The following UNC5C variants were observed in gnomAD, a reference collection of about 807,000 sequenced individuals.
UNC5C encodes the protein netrin receptor UNC5C.
UNC5C carries 47 observed loss-of-function variants against 99.8 expected under a neutral mutation model. That is an observed-to-expected ratio of 0.47 (90% confidence interval 0.37 to 0.60). The LOEUF (loss-of-function observed/expected upper bound fraction) is 0.60. Among genes scored for constraint, UNC5C ranks in the 20% least tolerant of loss-of-function variants. The pLI is 0.00. For missense variants in UNC5C, 1,062 were observed against 1,165.9 expected (o/e 0.91, Z 1.30); for synonymous variants, 487 against 452.2 (o/e 1.08, Z -0.98).
chr4:95,357,448 T>A (rs763916166), intron 1 of UNC5C, among the ~76,000 whole-genome samples: 19 of 152,064 alleles, frequency 1.2e-4, no homozygotes, highest in East Asian at 1.9e-4. Flanking sequence ...GCATTTTTTT[T>A]ATGCTGTTAC....
chr4:95,510,583 T>C (rs554063250), intron 1 of UNC5C, among the ~76,000 whole-genome samples: 8 of 152,240 alleles, frequency 5.3e-5, no homozygotes, highest in African/African-American at 1.9e-4. Flanking sequence ...ATGGTTTTAA[T>C]ACATTCCTTT....
At position 95,267,949 on chromosome 4, in the gene UNC5C, A is replaced by ATTTTTTTTTTTTTTTTTTTTTTTTTT. The variant is rs869293955; in HGVS notation, c.594+10309_594+10310insAAAAAAAAAAAAAAAAAAAAAAAAAA. Reference sequence around the variant, plus strand: ...ATGATCCTGTAGGCTGAATTTTGTGATTTTTTTTTTTTTTTTTTGAGACGG... The same window carrying ATTTTTTTTTTTTTTTTTTTTTTTTTT: ...ATGATCCTGTAGGCTGAATTTTGTGATTTTTTTTTTTTTTTTTTTTTTTTTTTTTTTTTTTTTTTTTTTTGAGACGG... On this transcript the variant is annotated intron_variant, in intron 4 of 15. Coordinates refer to ENST00000453304, the MANE Select transcript of UNC5C (RefSeq NM_003728.4). Among the ~76,000 whole-genome samples the ATTTTTTTTTTTTTTTTTTTTTTTTTT allele has an allele frequency of 3.4e-4, 40 of 117,566 alleles. 5 individuals are homozygous for ATTTTTTTTTTTTTTTTTTTTTTTTTT. The highest frequency in any genetic ancestry group is 1.0e-3 in the African/African-American group (30 of 29,164). The allele number at this position is 117,566 out of a possible 152,430, so 77.1% of individuals were successfully genotyped here. A position where few individuals can be genotyped will look rare whatever the true frequency, so the allele number is the denominator to read the frequency against.
chr4:95,218,951 T>G lies in UNC5C; in HGVS notation c.1645+18A>C, dbSNP rs187157690. The G allele has an allele frequency of 2.1e-4, 321 of 1,560,578 alleles. 3 individuals are homozygous for G. The Admixed American group carries it at 5.8e-3, about 28-fold the overall frequency. On this transcript the variant is annotated intron_variant, in intron 9 of 15. Transcript: ENST00000453304. The stretch of plus-strand genomic sequence containing the variant: ...TGTTTCAAGCTGCCTCTTTGCAATT[T>G]AAACCTCTAGGAATTACCTGAATTG...
chr4:95,424,323 T>C (rs896731406), intron 1 of UNC5C, among the ~76,000 whole-genome samples: 4 of 148,654 alleles, frequency 2.7e-5, no homozygotes, highest in African/African-American at 7.4e-5. Context: ...AAAATTACCA[T>C]ATATACGTGT....
intron 1 of UNC5C, among the ~76,000 whole-genome samples, chr4:95,469,749 A>G (rs1747909432): frequency 6.6e-6 from 1 of 152,112 alleles, no homozygotes; most frequent in South Asian, 2.1e-4. Context: ...GTGGCACTTC[A>G]TGTAGGTCCC....
intron 7 of UNC5C, among the ~76,000 whole-genome samples, chr4:95,232,272 C>T (rs1438832580): frequency 5.3e-5 from 8 of 149,948 alleles, no homozygotes; most frequent in Admixed American, 1.3e-4. Context: ...TATTATAAAA[C>T]ATATTATATA....
chr4:95,239,858 T>C (rs1197184093), intron 7 of UNC5C, among the ~76,000 whole-genome samples: 4 of 152,238 alleles, frequency 2.6e-5, no homozygotes, highest in Non-Finnish European at 5.9e-5. Context: ...TGTATTCCTC[T>C]TAAGTACCAA....
chr4:95,464,412 T>C (rs961466989), intron 1 of UNC5C, among the ~76,000 whole-genome samples: 4 of 152,024 alleles, frequency 2.6e-5, no homozygotes, highest in South Asian at 4.2e-4. Context: ...TTAAGAAGAG[T>C]CTGATTAGAG....
intron 1 of UNC5C, among the ~76,000 whole-genome samples, chr4:95,392,577 C>T (rs1366356184): frequency 6.6e-6 from 1 of 151,934 alleles, no homozygotes; most frequent in Non-Finnish European, 1.5e-5. Flanking sequence ...GGACTACAGG[C>T]ATGCACCACC....
chr4:95,286,335 TAC>T (rs1472891794), intron 3 of UNC5C, among the ~76,000 whole-genome samples: 1 of 152,224 alleles, frequency 6.6e-6, no homozygotes, highest in Admixed American at 6.5e-5. Context: ...CCTGGGAATC[TAC>T]AGTTTTAACA....
intron 2 of UNC5C, among the ~76,000 whole-genome samples, chr4:95,325,866 A>C (rs946054163): frequency 1.1e-4 from 16 of 152,142 alleles, no homozygotes; most frequent in Non-Finnish European, 2.9e-5. Context: ...TGAAAAATGC[A>C]CATACAGCTG....
intron 1 of UNC5C, among the ~76,000 whole-genome samples, chr4:95,430,321 A>C (rs551010513): frequency 6.6e-6 from 1 of 152,122 alleles, no homozygotes; most frequent in Non-Finnish European, 1.5e-5. Context: ...AACTTCAAAA[A>C]GTCTTTAAAA....
intron 2 of UNC5C, among the ~76,000 whole-genome samples, chr4:95,320,965 A>G (rs535541955): frequency 6.6e-6 from 1 of 152,342 alleles, no homozygotes; most frequent in Non-Finnish European, 1.5e-5. Flanking sequence ...CTCTCACTGT[A>G]TATAATTTTA....
intron 7 of UNC5C, among the ~76,000 whole-genome samples, chr4:95,233,912 G>A (rs1468194199): frequency 2.0e-5 from 3 of 151,788 alleles, no homozygotes; most frequent in Non-Finnish European, 2.9e-5. Context: ...CTCCAGCCTG[G>A]GCAACAGAAT....
At chr4:95,370,643 C>A (rs901697196) in intron 1 of UNC5C, among the ~76,000 whole-genome samples, 8 of 152,144 alleles carry the variant, frequency 5.3e-5, no homozygotes, top group African/African-American at 1.9e-4. Flanking sequence ...CCTTCTTTTG[C>A]TCACTTATAT....
chr4:95,255,324 T>C lies in UNC5C; in HGVS notation c.595-4657A>G, dbSNP rs937924864. ...GGTGGAACATGGGTGTAAATAGCCA[T>C]GGAGAGTGGGCTCATCTTAAAATTC... On this transcript the variant is annotated intron_variant, in intron 4 of 15. Transcript: ENST00000453304. Among the ~76,000 whole-genome samples, 10 of 152,158 alleles carry C rather than the reference T, an allele frequency of 6.6e-5. 1 individual carries two copies. The highest frequency in any genetic ancestry group is 2.4e-4 in the African/African-American group (10 of 41,434).
chr4:95,182,261 C>T (rs1480580428), intron 14 of UNC5C, among the ~76,000 whole-genome samples: 2 of 152,188 alleles, frequency 1.3e-5, no homozygotes, highest in Non-Finnish European at 2.9e-5. Flanking sequence ...GAAGGCAAAG[C>T]TGATGGCCAC....
At chr4:95,265,877 G>A (rs1336656082) in intron 4 of UNC5C, among the ~76,000 whole-genome samples, 1 of 152,072 alleles carries the variant, frequency 6.6e-6, no homozygotes, top group Non-Finnish European at 1.5e-5. Flanking sequence ...CCCTCCTGGG[G>A]TTGTAGGGGG....
At chr4:95,494,408 T>A (rs1306587812) in intron 1 of UNC5C, among the ~76,000 whole-genome samples, 6 of 151,484 alleles carry the variant, frequency 4.0e-5, no homozygotes, top group Non-Finnish European at 8.9e-5. Flanking sequence ...ATTTTTCAGC[T>A]GTTGGAAAAT....
Sources: allele counts gnomAD v4.1 joint callset (sites outside exome capture counted in the v4.1 genomes callset), GRCh38; gene constraint gnomAD v4.1.1; transcripts MANE v1.5; gene names NCBI Gene and HGNC (gene_info 2026-07-23, HGNC 2026-07-21).